The following ELMOD2 variants were observed in gnomAD, a reference collection of about 807,000 sequenced individuals.
The protein encoded by ELMOD2 is ELMO domain-containing protein 2.
In ELMOD2, 28 loss-of-function variants were observed where a neutral mutation model predicts 41.0. The ratio of observed to expected loss-of-function variants is 0.68; its 90% CI spans 0.51 to 0.94. The LOEUF (loss-of-function observed/expected upper bound fraction) is 0.94, where lower values mean the gene tolerates loss of function less well. Ranked by LOEUF, ELMOD2 falls within the 40% of genes least tolerant of loss-of-function variation. ELMOD2 has a pLI of 0.00. For missense variants in ELMOD2, 333 were observed against 343.1 expected (o/e 0.97, Z 0.23); for synonymous variants, 106 against 107.2 (o/e 0.99, Z 0.07).
rs189567219 is a variant in ELMOD2, at chr4:140,552,587, G to T, written c.*2212G>T. On this transcript the variant is annotated 3_prime_UTR_variant, in exon 9 of 9. Transcript: ENST00000323570. ...TATACATGAAAACAAAAATATAATT[G>T]TGTCTACCTTCCTACTTTCCCTTTT... 1.3e-5 allele frequency: 2 copies of T among 152,092 alleles called. No homozygotes were observed. The highest frequency in any genetic ancestry group is 2.9e-5 in the Non-Finnish European group (2 of 67,916). 9.4% of individuals were successfully genotyped at this position (152,092 alleles called of 1,614,324 possible).
rs1002373520 is a variant in ELMOD2 at position 140,551,181 on chromosome 4, T to G, written c.*806T>G. On this transcript the variant is annotated 3_prime_UTR_variant, in exon 9 of 9. Transcript: ENST00000323570. ...CCTACATATGAAACTTCTCTACCTA[T>G]GTATGTTTACGAAAAGAGATGTATT... The G allele has an allele frequency of 1.3e-5, 2 of 152,126 alleles. No homozygotes were observed. Among genetic ancestry groups the G allele is most frequent in the Non-Finnish European group, 2.9e-5 (2 of 67,968 alleles). 9.4% of individuals were successfully genotyped at this position (152,126 alleles called of 1,614,324 possible).
chr4:140,552,177 T>C lies in ELMOD2; in HGVS notation c.*1802T>C, dbSNP rs1399964433. The C allele has an allele frequency of 6.6e-6, 1 of 152,076 alleles. No homozygotes were observed. Among genetic ancestry groups the C allele is most frequent in the Non-Finnish European group, 1.5e-5 (1 of 67,924 alleles). 9.4% of individuals were successfully genotyped at this position (152,076 alleles called of 1,614,324 possible). A position where few individuals can be genotyped will look rare whatever the true frequency, so the allele number is the denominator to read the frequency against. ...TTGATGTTTGTGTTGAAAATGCTTATCTTTGTGTTTTGATCTTCCAACAGC... is the reference window on the plus strand; with the variant it reads ...TTGATGTTTGTGTTGAAAATGCTTACCTTTGTGTTTTGATCTTCCAACAGC... On this transcript the variant is annotated 3_prime_UTR_variant, in exon 9 of 9. Coordinates refer to ENST00000323570, the MANE Select transcript of ELMOD2 (RefSeq NM_153702.4).
chr4:140,544,490 CT>C (rs555596161), intron 8 of ELMOD2, among the ~76,000 whole-genome samples: 49 of 152,086 alleles, frequency 3.2e-4, no homozygotes, highest in African/African-American at 1.1e-3. Flanking sequence ...TGTGGTAACA[CT>C]CTTCTATTTC....
Position 140,525,264 on chromosome 4 carries a change from C to T in ELMOD2, c.-9-156C>T, listed in dbSNP as rs1276973072. 4 of 730,176 alleles carry T rather than the reference C, an allele frequency of 5.5e-6. No homozygotes were observed. The East Asian group carries it at 1.1e-4, about 20-fold the overall frequency. 45.2% of individuals were successfully genotyped at this position (730,176 alleles called of 1,614,324 possible). On this transcript the variant is annotated intron_variant, in intron 1 of 8. Coordinates refer to ENST00000323570, the MANE Select transcript of ELMOD2 (RefSeq NM_153702.4). ...TCAATTAATAGCGGTATATATTACA[C>T]CTGCCATTGTTTTTAAATGCCTAAT...
intron 3 of ELMOD2, among the ~76,000 whole-genome samples, chr4:140,533,840 G>GTA (rs1334146215): frequency 6.6e-6 from 1 of 152,080 alleles, no homozygotes; most frequent in Non-Finnish European, 1.5e-5. Flanking sequence ...GTGTGTGTGT[G>GTA]TGTATGTATA....
chr4:140,533,490 CA>C (rs1734814909), intron 3 of ELMOD2, among the ~76,000 whole-genome samples: 1 of 152,064 alleles, frequency 6.6e-6, no homozygotes, highest in African/African-American at 2.4e-5. Flanking sequence ...AATCTCTTAC[CA>C]TACATGAAAA....
rs897234045 is a variant in ELMOD2 at position 140,527,351 on chromosome 4, C to G, written c.143-115C>G. The G allele has an allele frequency of 1.6e-5, 13 of 811,736 alleles. No homozygotes were observed. The African/African-American group carries it at 2.1e-4, about 13-fold the overall frequency. 50.3% of individuals were successfully genotyped at this position (811,736 alleles called of 1,614,324 possible). On this transcript the variant is annotated intron_variant, in intron 2 of 8. Transcript: ENST00000323570. Reference sequence around the variant, plus strand: ...GCTTCCTGTTATATAGAAATTATATCTCCTGGAACTATTAGTTTGTTACTG... The same window carrying G: ...GCTTCCTGTTATATAGAAATTATATGTCCTGGAACTATTAGTTTGTTACTG...
chr4:140,530,732 A>T (rs988889721), intron 3 of ELMOD2, among the ~76,000 whole-genome samples: 28 of 152,322 alleles, frequency 1.8e-4, no homozygotes, highest in East Asian at 7.7e-4. Flanking sequence ...ACTTTCCAAT[A>T]AACAGAGGTA....
At chr4:140,549,066 A>G (rs1013998801) in intron 8 of ELMOD2, among the ~76,000 whole-genome samples, 5 of 151,824 alleles carry the variant, frequency 3.3e-5, no homozygotes, top group Admixed American at 2.0e-4. Flanking sequence ...TCCCCCCACC[A>G]TCCTAGGAAC....
intron 3 of ELMOD2, among the ~76,000 whole-genome samples, chr4:140,530,387 T>C (rs992032617): frequency 6.6e-6 from 1 of 152,170 alleles, no homozygotes; most frequent in Non-Finnish European, 1.5e-5. Context: ...TCAAAAGATA[T>C]ACAAAAGAAG....
intron 1 of ELMOD2, chr4:140,524,605 C>T: frequency 1.0e-6 from 1 of 985,464 alleles, no homozygotes; most frequent in African/African-American, 1.7e-5. Flanking sequence ...GCTCTTTCTG[C>T]ACTGACCTGC....
chr4:140,541,422 A>G (rs1308214925), intron 6 of ELMOD2, among the ~76,000 whole-genome samples: 4 of 152,288 alleles, frequency 2.6e-5, no homozygotes, highest in East Asian at 1.9e-4. Context: ...AAGTTGTTCT[A>G]TATTACAGAT....
chr4:140,533,960 A>G (rs1015826027), intron 3 of ELMOD2, among the ~76,000 whole-genome samples: 14 of 152,288 alleles, frequency 9.2e-5, no homozygotes, highest in Admixed American at 8.5e-4. Context: ...TAGACGAACA[A>G]CACTAATGTT....
At chr4:140,543,044 T>G (rs1048751055) in intron 7 of ELMOD2, among the ~76,000 whole-genome samples, 1 of 151,988 alleles carries the variant, frequency 6.6e-6, no homozygotes, top group Non-Finnish European at 1.5e-5. Context: ...TCTGATGGTA[T>G]CTAATCTTTG....
chr4:140,547,483 A>G (rs988556832), intron 8 of ELMOD2, among the ~76,000 whole-genome samples: 1 of 152,052 alleles, frequency 6.6e-6, no homozygotes, highest in African/African-American at 2.4e-5. Context: ...TCTCCATTCT[A>G]GTTTTGTAGG....
intron 7 of ELMOD2, 46 bp downstream of exon 7, chr4:140,542,688 T>C (rs1438569025): frequency 9.8e-6 from 13 of 1,327,678 alleles, no homozygotes; most frequent in Non-Finnish European, 1.3e-5. Context: ...GCATTTATAA[T>C]GATTAGATGA....
chr4:140,542,782 ATTATTT>A, intron 7 of ELMOD2, 140 bp downstream of exon 7: 1 of 595,318 alleles, frequency 1.7e-6, no homozygotes, highest in Non-Finnish European at 2.6e-6. Context: ...TACATGATAC[ATTATTT>A]TTAAGGAAAA....
chr4:140,531,579 G>A (rs888220709), intron 3 of ELMOD2, among the ~76,000 whole-genome samples: 1 of 152,134 alleles, frequency 6.6e-6, no homozygotes, highest in South Asian at 2.1e-4. Flanking sequence ...CCGTCTTAGG[G>A]TTTAAATAAT....
intron 8 of ELMOD2, among the ~76,000 whole-genome samples, chr4:140,547,380 C>G (rs1453675007): frequency 6.6e-6 from 1 of 152,116 alleles, no homozygotes; most frequent in African/African-American, 2.4e-5. Flanking sequence ...CTGTGAGCAG[C>G]TATCCGCCAT....
Sources: allele counts gnomAD v4.1 joint callset (sites outside exome capture counted in the v4.1 genomes callset), GRCh38; gene constraint gnomAD v4.1.1; transcripts MANE v1.5; gene names NCBI Gene and HGNC (gene_info 2026-07-23, HGNC 2026-07-21).